Variants in TPD52L1 observed in about 807,000 individuals in gnomAD.
TPD52L1 encodes the protein tumor protein D53.
A neutral mutation model predicts 28.7 loss-of-function variants in TPD52L1; 18 were observed. The observed-to-expected ratio is 0.63, with a 90% CI of 0.43 to 0.93. TPD52L1 has a LOEUF of 0.93. Ranked by LOEUF, TPD52L1 falls within the 40% of genes least tolerant of loss-of-function variation. The pLI is 0.00. For synonymous variants in TPD52L1, 75 were observed against 88.8 expected (o/e 0.84, Z 0.88); for missense variants, 203 against 254.8 (o/e 0.80, Z 1.39).
chr6:125,185,013 A>T (rs1015191362), intron 1 of TPD52L1, among the ~76,000 whole-genome samples: 1 of 152,202 alleles, frequency 6.6e-6, no homozygotes, highest in Non-Finnish European at 1.5e-5. Context: ...AAGTGAAAAG[A>T]TGAACAGAAA....
At chr6:125,154,082 C>A in intron 1 of TPD52L1, 112 bp downstream of exon 1, 2 of 1,446,184 alleles carry the variant, frequency 1.4e-6, no homozygotes, top group Non-Finnish European at 1.8e-6. Flanking sequence ...CCGTGTTGCA[C>A]ATCCAGAACT....
Position 125,238,668 on chromosome 6 carries a change from T to A in TPD52L1, c.284+9402T>A, listed in dbSNP as rs9401812. Among the ~76,000 whole-genome samples the A allele has an allele frequency of 3.9e-5, 6 of 152,366 alleles. No homozygotes were observed. In the East Asian group the frequency reaches 9.6e-4, roughly 24 times the overall value. On this transcript the variant is annotated intron_variant, in intron 3 of 6. Transcript: ENST00000534000. ...TCCATCCAGATTGCTGCAAATGTCATTATTTCATTCTCTTTTATGGCTGAG... is the reference window on the plus strand; with the variant it reads ...TCCATCCAGATTGCTGCAAATGTCAATATTTCATTCTCTTTTATGGCTGAG...
In TPD52L1 at chr6:125,248,362, G is replaced by T; in HGVS notation, c.365G>T (p.Ser122Ile). Residue 122 changes from serine (S) to isoleucine (I), a missense_variant, in exon 4 of 7, where the codon AGC (serine) becomes ATC (isoleucine). Coordinates refer to ENST00000534000, the MANE Select transcript of TPD52L1 (RefSeq NM_003287.4). ...TTCAGCAACGTTGGAACGGCCATCA[G>T]CAAGAAGTTCGGAGACATGAGGTAC... ...AAFSNVGTAI[S>I]KKFGDMSYSI... 1 of 1,614,126 alleles carries T rather than the reference G, an allele frequency of 6.2e-7. No individual in the cohort carries two copies. Among genetic ancestry groups the T allele is most frequent in the African/African-American group, 1.3e-5 (1 of 75,068 alleles).
intron 6 of TPD52L1, chr6:125,260,998 GAAAGAAAGAAAGAAAGAAAGAAAAGA>G (rs1562411336): frequency 0.071 from 3,014 of 42,554 alleles, 335 homozygotes; most frequent in East Asian, 0.17. Flanking sequence ...AAGAAAGAAA[GAAAGAAAGAAAGAAAGAAAGAAAAGA>G]AAAGAAAGAA....
At chr6:125,203,509 A>G (rs1793925683) in intron 1 of TPD52L1, 4 of 403,382 alleles carry the variant, frequency 9.9e-6, no homozygotes, top group Non-Finnish European at 1.3e-5. Context: ...TTATATTTGA[A>G]ATGTAGGAAA....
In TPD52L1 at chr6:125,263,067, G is replaced by A; in HGVS notation, c.*105G>A. On this transcript the variant is annotated 3_prime_UTR_variant, in exon 7 of 7. Coordinates refer to ENST00000534000, the MANE Select transcript of TPD52L1 (RefSeq NM_003287.4). Reference sequence around the variant, plus strand: ...CCAAAATCCCGCTGGGAAAAACCCAGGCCTTGACATTGTTATTCAAATGGC... The same window carrying A: ...CCAAAATCCCGCTGGGAAAAACCCAAGCCTTGACATTGTTATTCAAATGGC... 1 of 1,369,000 alleles carries A rather than the reference G, an allele frequency of 7.3e-7. No individual in the cohort carries two copies. Among genetic ancestry groups the A allele is most frequent in the Non-Finnish European group, 9.6e-7 (1 of 1,040,612 alleles). 84.8% of individuals were successfully genotyped at this position (1,369,000 alleles called of 1,614,324 possible).
chr6:125,166,094 T>C (rs1790883483), intron 1 of TPD52L1, among the ~76,000 whole-genome samples: 1 of 152,206 alleles, frequency 6.6e-6, no homozygotes, highest in South Asian at 2.1e-4. Flanking sequence ...TTTACATGGA[T>C]ATGTTTTATT....
At chr6:125,178,482 G>A (rs563888969) in intron 1 of TPD52L1, among the ~76,000 whole-genome samples, 10 of 152,074 alleles carry the variant, frequency 6.6e-5, no homozygotes, top group African/African-American at 9.7e-5. Flanking sequence ...TTAGCCAGGC[G>A]TGGTGGCACA....
chr6:125,218,860 T>C (rs1174992983), intron 1 of TPD52L1, among the ~76,000 whole-genome samples: 1 of 152,206 alleles, frequency 6.6e-6, no homozygotes, highest in East Asian at 1.9e-4. Context: ...AAGATTAGGC[T>C]TGCAGACACT....
chr6:125,257,322 G>A (rs1797667308), intron 6 of TPD52L1, 164 bp downstream of exon 6: 1 of 564,574 alleles, frequency 1.8e-6, no homozygotes, highest in African/African-American at 1.9e-5. Context: ...CTATTGAATA[G>A]TGTTACTATA....
intron 1 of TPD52L1, among the ~76,000 whole-genome samples, chr6:125,218,430 A>C (rs1554211072): frequency 6.6e-6 from 1 of 152,106 alleles, no homozygotes; most frequent in Non-Finnish European, 1.5e-5. Flanking sequence ...AGGTCTTTTG[A>C]CCCATATTTC....
chr6:125,241,256 A>G (rs544650332), intron 3 of TPD52L1, among the ~76,000 whole-genome samples: 1 of 152,060 alleles, frequency 6.6e-6, no homozygotes, highest in Non-Finnish European at 1.5e-5. Flanking sequence ...TTTTGTGTCT[A>G]TGTTCATCAG....
At chr6:125,194,322 C>G (rs1396241409) in intron 1 of TPD52L1, among the ~76,000 whole-genome samples, 1 of 152,098 alleles carries the variant, frequency 6.6e-6, no homozygotes, top group Non-Finnish European at 1.5e-5. Context: ...AAGGTTAAGG[C>G]CGTTTATAAC....
intron 1 of TPD52L1, among the ~76,000 whole-genome samples, chr6:125,191,350 G>T (rs1299553657): frequency 6.6e-6 from 1 of 152,150 alleles, no homozygotes; most frequent in African/African-American, 2.4e-5. Context: ...GTGAAAGGGG[G>T]CAGCTTTTCC....
intron 1 of TPD52L1, among the ~76,000 whole-genome samples, chr6:125,158,033 G>A (rs1790252470): frequency 6.6e-6 from 1 of 152,000 alleles, no homozygotes; most frequent in Non-Finnish European, 1.5e-5. Context: ...CTCTGTCTCC[G>A]TGGTTATGCT....
At chr6:125,258,130 T>C (rs1433603510) in intron 6 of TPD52L1, among the ~76,000 whole-genome samples, 1 of 152,210 alleles carries the variant, frequency 6.6e-6, no homozygotes, top group Non-Finnish European at 1.5e-5. Flanking sequence ...CCAGGTGCTC[T>C]TGTGGATTTT....
At chr6:125,256,411 A>G (rs1038893470) in intron 5 of TPD52L1, among the ~76,000 whole-genome samples, 1 of 152,194 alleles carries the variant, frequency 6.6e-6, no homozygotes, top group Non-Finnish European at 1.5e-5. Context: ...AAGTAGGTAT[A>G]TCTATTTGAG....
intron 1 of TPD52L1, among the ~76,000 whole-genome samples, chr6:125,213,932 A>G (rs961618304): frequency 6.6e-6 from 1 of 152,200 alleles, no homozygotes; most frequent in African/African-American, 2.4e-5. Context: ...GAAAAATGAC[A>G]AGAGTTAAGG....
intron 1 of TPD52L1, among the ~76,000 whole-genome samples, chr6:125,170,359 T>G (rs1791210509): frequency 6.7e-6 from 1 of 150,072 alleles, no homozygotes; most frequent in African/African-American, 2.5e-5. Flanking sequence ...AACACCGAGA[T>G]TAGGTTGTGT....
Sources: gnomAD v4.1 joint callset for allele counts (sites outside exome capture counted in the v4.1 genomes callset) on GRCh38, gnomAD v4.1.1 for gene constraint, MANE v1.5 for transcripts, NCBI Gene and HGNC (gene_info 2026-07-23, HGNC 2026-07-21) for gene names.